ULK4: variants seen among roughly 807,000 people sequenced by gnomAD.
ULK4 encodes unc-51 like kinase 4, also known as inactive serine/threonine-protein kinase ULK4.
A neutral mutation model predicts 160.6 loss-of-function variants in ULK4; 133 were observed. That is an observed-to-expected ratio of 0.83 (90% CI 0.72 to 0.96). The LOEUF is 0.96. Ranked by LOEUF, ULK4 falls within the 40% of genes least tolerant of loss-of-function variation. The pLI is 0.00. For synonymous variants in ULK4, 534 were observed against 539.8 expected (o/e 0.99, Z 0.15); for missense variants, 1,580 against 1,499.5 (o/e 1.05, Z -0.89).
At chr3:41,603,369 G>A (rs1201026045) in intron 31 of ULK4, among the ~76,000 whole-genome samples, 3 of 151,992 alleles carry the variant, frequency 2.0e-5, no homozygotes, top group Admixed American at 2.0e-4. Flanking sequence ...GACAAGACAG[G>A]AGAAACAAAT....
chr3:41,670,281 G>A (rs965624914), intron 29 of ULK4, among the ~76,000 whole-genome samples: 7 of 152,084 alleles, frequency 4.6e-5, no homozygotes, highest in African/African-American at 1.7e-4. Flanking sequence ...GGGGTAGATG[G>A]CTGATTCTTT....
At chr3:41,676,702 G>C (rs2035729350) in intron 29 of ULK4, among the ~76,000 whole-genome samples, 1 of 152,070 alleles carries the variant, frequency 6.6e-6, no homozygotes, top group African/African-American at 2.4e-5. Context: ...TTAGAAACAT[G>C]TCTGTGAAAT....
intron 31 of ULK4, among the ~76,000 whole-genome samples, chr3:41,612,502 G>C (rs895338312): frequency 1.3e-5 from 2 of 152,194 alleles, no homozygotes; most frequent in African/African-American, 4.8e-5. Flanking sequence ...CTACCCATTA[G>C]TCCTCCAGAC....
chr3:41,438,944 T>G (rs376867718), intron 34 of ULK4, among the ~76,000 whole-genome samples: 40 of 142,052 alleles, frequency 2.8e-4, no homozygotes, highest in Middle Eastern at 3.9e-3. Context: ...ATAATCCTTA[T>G]AGCAAACTGC....
At chr3:41,318,056 T>C (rs2080178875) in intron 35 of ULK4, among the ~76,000 whole-genome samples, 1 of 152,174 alleles carries the variant, frequency 6.6e-6, no homozygotes, top group Non-Finnish European at 1.5e-5. Flanking sequence ...TTAAGGTAAA[T>C]TATTAATGAG....
chr3:41,350,915 G>T (rs1167739987), intron 35 of ULK4, among the ~76,000 whole-genome samples: 1 of 152,162 alleles, frequency 6.6e-6, no homozygotes, highest in South Asian at 2.1e-4. Context: ...ACCTCTTCTA[G>T]AATGAAAGTA....
chr3:41,409,384 C>A (rs2080886268), intron 34 of ULK4, among the ~76,000 whole-genome samples: 1 of 152,076 alleles, frequency 6.6e-6, no homozygotes, highest in Non-Finnish European at 1.5e-5. Context: ...AATAGATAAA[C>A]TAGACTTCAT....
At chr3:41,415,197 G>T (rs576051277) in intron 34 of ULK4, among the ~76,000 whole-genome samples, 1 of 152,290 alleles carries the variant, frequency 6.6e-6, no homozygotes, top group African/African-American at 2.4e-5. Flanking sequence ...AAGCAGCAAG[G>T]TTTCGGAAAC....
intron 19 of ULK4, 87 bp from the exon 20 acceptor site, chr3:41,800,380 A>G: frequency 7.3e-7 from 1 of 1,360,600 alleles, no homozygotes; most frequent in Non-Finnish European, 1.0e-6. Context: ...ATGTTATGAT[A>G]CCAAGACAGT....
At chr3:41,797,911 A>AAG (rs2040350040) in intron 20 of ULK4, among the ~76,000 whole-genome samples, 1 of 151,898 alleles carries the variant, frequency 6.6e-6, no homozygotes, top group Non-Finnish European at 1.5e-5. Context: ...AAGAAAACAA[A>AAG]ACAAAAGAAA....
intron 18 of ULK4, among the ~76,000 whole-genome samples, chr3:41,824,892 T>C (rs113578680): frequency 0.2 from 29,859 of 152,126 alleles, 3,473 homozygotes; most frequent in African/African-American, 0.32. Flanking sequence ...GACCCCCGAA[T>C]AGACTAACTG....
intron 32 of ULK4, among the ~76,000 whole-genome samples, chr3:41,526,890 A>AT (rs138113029): frequency 0.063 from 9,506 of 151,494 alleles, 976 homozygotes; most frequent in African/African-American, 0.22. Context: ...TAAAAGTGAC[A>AT]TTTTTTTTTC....
At chr3:41,902,067 A>G (rs753620736) in intron 12 of ULK4, among the ~76,000 whole-genome samples, 1 of 152,216 alleles carries the variant, frequency 6.6e-6, no homozygotes, top group African/African-American at 2.4e-5. Flanking sequence ...CAACAGGGAA[A>G]AAAAAAAGAG....
chr3:41,255,450 T>G (rs934814134), intron 35 of ULK4, among the ~76,000 whole-genome samples: 1 of 152,118 alleles, frequency 6.6e-6, no homozygotes, highest in African/African-American at 2.4e-5. Context: ...GCCATTGCAC[T>G]CCAGCTTGGG....
At chr3:41,453,988 G>T (rs955820160) in intron 34 of ULK4, among the ~76,000 whole-genome samples, 3 of 134,020 alleles carry the variant, frequency 2.2e-5, no homozygotes, top group Non-Finnish European at 4.7e-5. Context: ...GAGAACACTT[G>T]GATACAGGAA....
chr3:41,569,783 C>T (rs1279598832), intron 31 of ULK4, among the ~76,000 whole-genome samples: 3 of 103,750 alleles, frequency 2.9e-5, no homozygotes, highest in South Asian at 3.0e-4. Context: ...GAATGACTAC[C>T]CTACATTTTT....
intron 32 of ULK4, among the ~76,000 whole-genome samples, chr3:41,479,460 A>T (rs77054652): frequency 6.6e-6 from 1 of 152,236 alleles, no homozygotes; most frequent in African/African-American, 2.4e-5. Flanking sequence ...TGGTCGGAGA[A>T]GATGATGATC....
At chr3:41,458,770 T>G (rs2083613939) in intron 33 of ULK4, among the ~76,000 whole-genome samples, 1 of 152,184 alleles carries the variant, frequency 6.6e-6, no homozygotes, top group African/African-American at 2.4e-5. Context: ...TTATTTATCT[T>G]TTTGAGATGC....
intron 22 of ULK4, among the ~76,000 whole-genome samples, chr3:41,748,591 A>G (rs1228078462): frequency 1.3e-5 from 2 of 152,150 alleles, no homozygotes; most frequent in East Asian, 3.9e-4. Context: ...AAACATTTAC[A>G]TGGTTCTTAA....
Sources: gnomAD v4.1 joint callset for allele counts (sites outside exome capture counted in the v4.1 genomes callset) on GRCh38, gnomAD v4.1.1 for gene constraint, MANE v1.5 for transcripts, NCBI Gene and HGNC (gene_info 2026-07-23, HGNC 2026-07-21) for gene names.